The following MYO6 variants were observed in gnomAD, a reference collection of about 807,000 sequenced individuals.
MYO6 encodes unconventional myosin-VI.
A neutral mutation model predicts 178.7 loss-of-function variants in MYO6; 74 were observed. The observed-to-expected ratio is 0.41, with a 90% CI of 0.34 to 0.50. The LOEUF (loss-of-function observed/expected upper bound fraction) is 0.50. MYO6 is among the 20% of genes least tolerant of loss of function. The probability of loss-of-function intolerance (pLI) is 0.09; values close to 1 mark genes in which losing one functional copy is unlikely to be tolerated. For missense variants in MYO6, 1,330 were observed against 1,547.4 expected (o/e 0.86, Z 2.36); for synonymous variants, 477 against 504.6 (o/e 0.95, Z 0.73).
At chr6:75,853,078 C>A (rs2150295554) in intron 11 of MYO6, among the ~76,000 whole-genome samples, 1 of 152,236 alleles carries the variant, frequency 6.6e-6, no homozygotes, top group East Asian at 1.9e-4. Context: ...TTGCATTTTC[C>A]TGATGGCTCA....
intron 11 of MYO6, among the ~76,000 whole-genome samples, chr6:75,853,351 A>G (rs758782785): frequency 1.6e-4 from 24 of 152,164 alleles, no homozygotes; most frequent in Admixed American, 1.5e-3. Context: ...AGCCTAATTT[A>G]TCTGTTTTTT....
At chr6:75,841,123 G>A (rs1774179411) in intron 8 of MYO6, 91 bp from the exon 9 acceptor site, 1 of 1,079,556 alleles carries the variant, frequency 9.3e-7, no homozygotes, top group Admixed American at 2.3e-5. Context: ...TAGACAAATG[G>A]TATTAGAAAA....
At position 75,822,816 on chromosome 6, in the gene MYO6, C is replaced by T; in HGVS notation, c.152C>T (p.Ala51Val). The T allele has an allele frequency of 6.2e-7, 1 of 1,613,318 alleles. No individual in the cohort carries two copies. Among genetic ancestry groups the T allele is most frequent in the Non-Finnish European group, 8.5e-7 (1 of 1,179,588 alleles). ...FLALINQVFP[A>V]EEDSKKDVED... ...GCTCTCATAAACCAAGTGTTTCCTGCAGAAGAGGACAGTAAAAAAGATGTG... is the reference window on the plus strand; with the variant it reads ...GCTCTCATAAACCAAGTGTTTCCTGTAGAAGAGGACAGTAAAAAAGATGTG... Residue 51 changes from alanine (A) to valine (V), a missense_variant, in exon 3 of 35, where the codon GCA becomes GTA. By Grantham distance (64) the Ala-to-Val change is moderately conservative. Transcript: ENST00000369977.
intron 11 of MYO6, among the ~76,000 whole-genome samples, chr6:75,848,880 A>T (rs1490874382): frequency 6.6e-6 from 1 of 152,328 alleles, no homozygotes; most frequent in Non-Finnish European, 1.5e-5. Flanking sequence ...ATCATCTATT[A>T]AGGCATTTTT....
At chr6:75,785,354 G>A (rs1317025280) in intron 1 of MYO6, among the ~76,000 whole-genome samples, 1 of 152,086 alleles carries the variant, frequency 6.6e-6, no homozygotes, top group Non-Finnish European at 1.5e-5. Flanking sequence ...AAGTAGTATA[G>A]TGTAGTAATT....
intron 19 of MYO6, 93 bp downstream of exon 19, chr6:75,870,778 TA>T: frequency 1.0e-6 from 1 of 974,666 alleles, no homozygotes; most frequent in Non-Finnish European, 1.5e-6. Flanking sequence ...CTGTACTAAT[TA>T]AAAATACATT....
chr6:75,888,385 C>T (rs960279821), intron 25 of MYO6, among the ~76,000 whole-genome samples: 8 of 152,016 alleles, frequency 5.3e-5, no homozygotes, highest in African/African-American at 1.7e-4. Context: ...GAGGCCCAGG[C>T]GCAGGGATCA....
intron 29 of MYO6, among the ~76,000 whole-genome samples, chr6:75,897,083 T>C (rs1177814320): frequency 6.6e-6 from 1 of 152,102 alleles, no homozygotes; most frequent in Non-Finnish European, 1.5e-5. Context: ...AAAACACCTG[T>C]GTGATCAACA....
At chr6:75,750,092 A>G (rs1582948274) in intron 1 of MYO6, among the ~76,000 whole-genome samples, 1 of 138,544 alleles carries the variant, frequency 7.2e-6, no homozygotes. Flanking sequence ...TAAAAAATTC[A>G]TTACCTTTTT....
intron 29 of MYO6, among the ~76,000 whole-genome samples, chr6:75,897,384 G>A (rs1779385507): frequency 1.3e-5 from 2 of 152,152 alleles, no homozygotes; most frequent in African/African-American, 4.8e-5. Flanking sequence ...TGTTTTTGCT[G>A]TCCTTCACTG....
chr6:75,772,211 C>T (rs527540711), intron 1 of MYO6, among the ~76,000 whole-genome samples: 6 of 152,040 alleles, frequency 3.9e-5, no homozygotes, highest in African/African-American at 1.4e-4. Context: ...CTCTTTTTGT[C>T]TCCTGTTTGT....
chr6:75,855,342 A>C, intron 12 of MYO6, 59 bp downstream of exon 12: 5 of 1,536,212 alleles, frequency 3.3e-6, no homozygotes, highest in Non-Finnish European at 4.5e-6. Context: ...TCAAGGAAAA[A>C]CATAAGTTAC....
chr6:75,762,680 C>T (rs1452392053), intron 1 of MYO6, among the ~76,000 whole-genome samples: 1 of 152,206 alleles, frequency 6.6e-6, no homozygotes, highest in East Asian at 1.9e-4. Context: ...CTGCTCTGCA[C>T]AGGGCTCCAG....
chr6:75,758,102 C>T (rs1013485874), intron 1 of MYO6, among the ~76,000 whole-genome samples: 9 of 151,250 alleles, frequency 6.0e-5, no homozygotes, highest in African/African-American at 9.7e-5. Flanking sequence ...CTCAGCTTCC[C>T]GAGTAGCTGG....
At chr6:75,820,618 G>T (rs766585819) in intron 2 of MYO6, among the ~76,000 whole-genome samples, 1 of 152,076 alleles carries the variant, frequency 6.6e-6, no homozygotes, top group Non-Finnish European at 1.5e-5. Flanking sequence ...TGATCCACCT[G>T]CCTGGGGCTC....
chr6:75,848,619 G>A (rs1319807420), intron 11 of MYO6, 88 bp downstream of exon 11: 25 of 1,355,254 alleles, frequency 1.8e-5, no homozygotes, highest in Admixed American at 8.4e-5. Context: ...TTTATATGCA[G>A]TTTGCTTAAA....
chr6:75,836,075 A>G (rs1325586287), intron 7 of MYO6, 119 bp downstream of exon 7: 1 of 744,164 alleles, frequency 1.3e-6, no homozygotes, highest in Non-Finnish European at 2.5e-6. Context: ...CCTACTAATC[A>G]TTGCTCATAT....
chr6:75,907,465 T>C (rs1453608391), intron 30 of MYO6, 140 bp from the exon 31 acceptor site: 2 of 668,216 alleles, frequency 3.0e-6, no homozygotes, highest in Admixed American at 2.4e-5. Context: ...ATTCTTAATC[T>C]CATCTGTCAA....
chr6:75,805,720 TG>T (rs35228819), intron 1 of MYO6, among the ~76,000 whole-genome samples: 1 of 152,240 alleles, frequency 6.6e-6, no homozygotes, highest in East Asian at 1.9e-4. Context: ...CAGTTGATGA[TG>T]GGGAATTATC....
Sources: allele counts gnomAD v4.1 joint callset (sites outside exome capture counted in the v4.1 genomes callset), GRCh38; gene constraint gnomAD v4.1.1; transcripts MANE v1.5; gene names NCBI Gene and HGNC (gene_info 2026-07-23, HGNC 2026-07-21).